FIRRM: variants seen among roughly 807,000 people sequenced by gnomAD.
FIRRM encodes FIGNL1-interacting regulator of recombination and mitosis.
chr1:169,798,879 C>T, the FIRRM span: 2 of 1,199,456 alleles, frequency 1.7e-6, no homozygotes, highest in Non-Finnish European at 2.3e-6. Context: ...TAATGAATAC[C>T]CTATTACTAT....
At chr1:169,812,079 AGTTATTTGT>A in the FIRRM span, among the ~76,000 whole-genome samples, 1 of 152,210 alleles carries the variant, frequency 6.6e-6, no homozygotes, top group African/African-American at 2.4e-5. Flanking sequence ...GGGACTGTTA[AGTTATTTGT>A]GTTATTTACC....
the FIRRM span, chr1:169,802,475 A>C: frequency 2.0e-6 from 1 of 508,610 alleles, no homozygotes. Context: ...GTGCTTAATT[A>C]GGTACAATTG....
chr1:169,784,584 T>C, the FIRRM span, among the ~76,000 whole-genome samples: 8 of 152,336 alleles, frequency 5.3e-5, no homozygotes, highest in South Asian at 1.7e-3. Flanking sequence ...CATTTCTCTT[T>C]TTCTGAGAAG....
the FIRRM span, chr1:169,852,886 C>CT: frequency 6.2e-7 from 1 of 1,614,150 alleles, no homozygotes; most frequent in Non-Finnish European, 8.5e-7. Context: ...AACTGAGTCA[C>CT]TACTCCAAAA....
chr1:169,792,617 T>A, the FIRRM span: 4,602 of 1,594,980 alleles, frequency 2.9e-3, 110 homozygotes, highest in African/African-American at 0.052. Flanking sequence ...TATGAACCTC[T>A]TCAATCCTTC....
chr1:169,852,680 G>T, the FIRRM span: 1 of 1,135,482 alleles, frequency 8.8e-7, no homozygotes, highest in South Asian at 1.5e-5. Flanking sequence ...TCCTACCCTT[G>T]TGATCCAATG....
At chr1:169,819,514 G>C in the FIRRM span, among the ~76,000 whole-genome samples, 1 of 152,206 alleles carries the variant, frequency 6.6e-6, no homozygotes, top group East Asian at 1.9e-4. Flanking sequence ...TAGATTTTGA[G>C]AGGGATCTAT....
the FIRRM span, chr1:169,792,792 A>G: frequency 2.5e-5 from 41 of 1,612,978 alleles, no homozygotes; most frequent in Admixed American, 5.0e-5. Flanking sequence ...AAATTACTAT[A>G]ATAATCTGGG....
chr1:169,795,122 TC>T, the FIRRM span: 3 of 1,536,038 alleles, frequency 2.0e-6, no homozygotes, highest in Admixed American at 3.9e-5. Context: ...GAAGGTGCGG[TC>T]CCAGCTAGCG....
the FIRRM span, among the ~76,000 whole-genome samples, chr1:169,828,418 ATCT>A: frequency 2.5e-4 from 38 of 152,138 alleles, no homozygotes; most frequent in Admixed American, 1.1e-3. Flanking sequence ...TACTATTGTC[ATCT>A]TCTGCTTTTT....
the FIRRM span, chr1:169,851,803 A>T: frequency 1.9e-6 from 3 of 1,610,686 alleles, no homozygotes; most frequent in South Asian, 1.1e-5. Flanking sequence ...TTGGTTTTTC[A>T]TGGTCCCTGG....
At chr1:169,791,322 T>A in the FIRRM span, among the ~76,000 whole-genome samples, 17 of 152,234 alleles carry the variant, frequency 1.1e-4, no homozygotes, top group Non-Finnish European at 1.8e-4. Context: ...TGAATGAGTA[T>A]CACATATAAT....
At chr1:169,853,907 C>CTT in the FIRRM span, 155 of 935,026 alleles carry the variant, frequency 1.7e-4, no homozygotes, top group East Asian at 1.9e-3. Context: ...AGTAAAATAA[C>CTT]TTAGAGCTCT....
the FIRRM span, chr1:169,806,115 T>C: frequency 2.2e-6 from 3 of 1,377,802 alleles, no homozygotes; most frequent in African/African-American, 4.4e-5. Flanking sequence ...TTTTTTACTT[T>C]TTAGAAAATG....
chr1:169,789,785 T>G, the FIRRM span, among the ~76,000 whole-genome samples: 1 of 152,210 alleles, frequency 6.6e-6, no homozygotes, highest in Non-Finnish European at 1.5e-5. Context: ...TTGTATACTG[T>G]AAAGGCACAA....
At chr1:169,797,300 A>G in the FIRRM span, among the ~76,000 whole-genome samples, 1 of 152,172 alleles carries the variant, frequency 6.6e-6, no homozygotes, top group East Asian at 1.9e-4. Flanking sequence ...ACCCCCCAAA[A>G]TCTTTTTCAT....
the FIRRM span, among the ~76,000 whole-genome samples, chr1:169,847,146 C>A: frequency 2.0e-5 from 3 of 151,826 alleles, no homozygotes; most frequent in African/African-American, 7.3e-5. Flanking sequence ...AAAACAATGA[C>A]AATAGTAACA....
chr1:169,836,776 T>A, the FIRRM span: 1 of 546,498 alleles, frequency 1.8e-6, no homozygotes, highest in Non-Finnish European at 3.1e-6. Flanking sequence ...AGCATGTTCA[T>A]TTATGTTACC....
At chr1:169,850,396 T>C in the FIRRM span, 139 of 1,288,974 alleles carry the variant, frequency 1.1e-4, no homozygotes, top group Admixed American at 4.3e-4. Context: ...TTTTTTTTTT[T>C]CCGAAATTAT....
Sources: allele counts gnomAD v4.1 joint callset (sites outside exome capture counted in the v4.1 genomes callset), GRCh38; gene constraint gnomAD v4.1.1; transcripts MANE v1.5; gene names NCBI Gene and HGNC (gene_info 2026-07-23, HGNC 2026-07-21).